Variants in KIF26B observed in about 807,000 individuals in gnomAD.
The protein encoded by KIF26B is kinesin-like protein KIF26B.
In KIF26B, 63 loss-of-function variants were observed where a neutral mutation model predicts 151.2. The ratio of observed to expected loss-of-function variants is 0.42; its 90% CI spans 0.34 to 0.51. The LOEUF (loss-of-function observed/expected upper bound fraction) is 0.51. Among genes scored for constraint, KIF26B ranks in the 20% least tolerant of loss-of-function variants. KIF26B has a pLI of 0.07. For missense variants in KIF26B, 2,813 were observed against 2,913.6 expected, an observed-to-expected ratio of 0.97 and a Z score of 0.79; for synonymous variants, 1,357 against 1,262.1, an observed-to-expected ratio of 1.08 and a Z score of -1.59.
chr1:245,221,414 CT>C (rs143145841), intron 2 of KIF26B, among the ~76,000 whole-genome samples: 16 of 140,142 alleles, frequency 1.1e-4, no homozygotes, highest in Admixed American at 1.4e-4. Flanking sequence ...GTTCTTCCTG[CT>C]TTTTTTTTTG....
intron 4 of KIF26B, among the ~76,000 whole-genome samples, chr1:245,487,722 C>G (rs1033135897): frequency 6.6e-6 from 1 of 151,538 alleles, no homozygotes; most frequent in African/African-American, 2.4e-5. Context: ...CTACGCCTCC[C>G]GAGTAGCTAG....
chr1:245,590,149 G>T (rs1398470016), intron 5 of KIF26B, among the ~76,000 whole-genome samples: 1 of 152,074 alleles, frequency 6.6e-6, no homozygotes, highest in Non-Finnish European at 1.5e-5. Flanking sequence ...GGTGCCCAAC[G>T]TGGCAGGGAG....
intron 3 of KIF26B, among the ~76,000 whole-genome samples, chr1:245,387,059 G>T (rs535942355): frequency 6.6e-6 from 1 of 152,302 alleles, no homozygotes; most frequent in South Asian, 2.1e-4. Context: ...TGAATTAGAT[G>T]AACTGTTTAT....
intron 2 of KIF26B, among the ~76,000 whole-genome samples, chr1:245,202,499 C>G (rs971878052): frequency 6.6e-6 from 1 of 152,190 alleles, no homozygotes; most frequent in Non-Finnish European, 1.5e-5. Flanking sequence ...TGGCTCACGC[C>G]TATAATCCCA....
chr1:245,465,531 C>T (rs1558177233), intron 4 of KIF26B, among the ~76,000 whole-genome samples: 1 of 152,172 alleles, frequency 6.6e-6, no homozygotes, highest in Non-Finnish European at 1.5e-5. Flanking sequence ...AAGTATCTTT[C>T]CGGTTTTTGC....
chr1:245,547,042 G>C (rs1034167129), intron 5 of KIF26B, among the ~76,000 whole-genome samples: 4 of 152,270 alleles, frequency 2.6e-5, no homozygotes, highest in East Asian at 1.9e-4. Context: ...CCAGCCTCTG[G>C]ACAGCACATG....
rs192529886 is a variant in KIF26B at position 245,261,756 on chromosome 1, G to T, written c.465+105073G>T. ...GCGCCACCATGCCTGGCTAGTTTTTGTATTTTTTGTAGCGACAGGGTTTTG... is the reference window on the plus strand; with the variant it reads ...GCGCCACCATGCCTGGCTAGTTTTTTTATTTTTTGTAGCGACAGGGTTTTG... On this transcript the variant is annotated intron_variant, in intron 2 of 14. Transcript: ENST00000407071. Among the ~76,000 whole-genome samples, 321 of 151,510 alleles carry T rather than the reference G, an allele frequency of 2.1e-3. 2 individuals carry two copies. The highest frequency in any genetic ancestry group is 7.6e-3 in the African/African-American group (312 of 41,302).
At chr1:245,342,817 TG>T (rs1275117841) in intron 2 of KIF26B, among the ~76,000 whole-genome samples, 2 of 152,166 alleles carry the variant, frequency 1.3e-5, no homozygotes, top group African/African-American at 4.8e-5. Context: ...CCAGGCGCCG[TG>T]GCTCATGCCT....
chr1:245,177,365 A>G (rs1029043644), intron 2 of KIF26B, among the ~76,000 whole-genome samples: 1 of 152,004 alleles, frequency 6.6e-6, no homozygotes, highest in Non-Finnish European at 1.5e-5. Context: ...TTTACATTCT[A>G]TATTGTATTT....
At chr1:245,221,941 G>A (rs530605951) in intron 2 of KIF26B, among the ~76,000 whole-genome samples, 2 of 152,330 alleles carry the variant, frequency 1.3e-5, no homozygotes, top group South Asian at 4.1e-4. Flanking sequence ...TATATCCGTG[G>A]AATCAAACAT....
At chr1:245,191,666 A>G (rs1422806878) in intron 2 of KIF26B, among the ~76,000 whole-genome samples, 1 of 152,226 alleles carries the variant, frequency 6.6e-6, no homozygotes, top group Non-Finnish European at 1.5e-5. Flanking sequence ...AGGGCAGGCG[A>G]CAATCTGCAG....
At chr1:245,296,461 G>T (rs1671338400) in intron 2 of KIF26B, among the ~76,000 whole-genome samples, 1 of 151,924 alleles carries the variant, frequency 6.6e-6, no homozygotes, top group South Asian at 2.1e-4. Flanking sequence ...GGATATAAGG[G>T]CCCCGACACA....
intron 9 of KIF26B, among the ~76,000 whole-genome samples, chr1:245,630,503 G>A (rs563254942): frequency 2.0e-5 from 3 of 152,138 alleles, no homozygotes; most frequent in Non-Finnish European, 4.4e-5. Flanking sequence ...AACACCACAC[G>A]TTGTCACTCA....
intron 2 of KIF26B, among the ~76,000 whole-genome samples, chr1:245,242,504 T>A (rs1670226122): frequency 1.3e-5 from 2 of 152,222 alleles, no homozygotes; most frequent in Admixed American, 6.5e-5. Flanking sequence ...ATTGGACTAA[T>A]AAAAAGTTGT....
rs931236345 is a variant in KIF26B, at chr1:245,495,226, T to A, written c.1167-45541T>A. ...AGAGATACATGGAGAACAAAAAGGATCAAAATACAGAAAAGAGCAGAAGAG... is the reference window on the plus strand; with the variant it reads ...AGAGATACATGGAGAACAAAAAGGAACAAAATACAGAAAAGAGCAGAAGAG... On this transcript the variant is annotated intron_variant, in intron 4 of 14. Coordinates refer to ENST00000407071, the MANE Select transcript of KIF26B (RefSeq NM_018012.4). This position sits in a 1 kb window ranked among gnomAD's most constrained non-coding sequence, Gnocchi z 4.2. Among the ~76,000 whole-genome samples, 1 of 151,268 alleles carries A rather than the reference T, an allele frequency of 6.6e-6. No individual in the cohort carries two copies. Among genetic ancestry groups the A allele is most frequent in the Non-Finnish European group, 1.5e-5 (1 of 67,818 alleles).
intron 5 of KIF26B, among the ~76,000 whole-genome samples, chr1:245,545,026 T>C (rs1661706946): frequency 6.6e-6 from 1 of 152,054 alleles, no homozygotes; most frequent in African/African-American, 2.4e-5. Flanking sequence ...AGTTGAGGCA[T>C]GCACACGCAC....
intron 5 of KIF26B, among the ~76,000 whole-genome samples, chr1:245,561,349 T>C (rs2042947615): frequency 6.6e-6 from 1 of 152,158 alleles, no homozygotes; most frequent in Non-Finnish European, 1.5e-5. Flanking sequence ...CCCTCTTCCC[T>C]GGGATAGGAG....
At chr1:245,626,290 T>C (rs1404039755) in intron 9 of KIF26B, among the ~76,000 whole-genome samples, 1 of 152,210 alleles carries the variant, frequency 6.6e-6, no homozygotes, top group African/African-American at 2.4e-5. Context: ...GTTTTAGTTT[T>C]TTTTTGAGAA....
intron 4 of KIF26B, among the ~76,000 whole-genome samples, chr1:245,453,220 T>C (rs1659437391): frequency 3.3e-5 from 5 of 152,178 alleles, no homozygotes; most frequent in Admixed American, 3.3e-4. Context: ...TAGCTTTATT[T>C]TTTTAAAAAA....
Sources: gnomAD v4.1 joint callset for allele counts (sites outside exome capture counted in the v4.1 genomes callset) on GRCh38, gnomAD v4.1.1 for gene constraint, Gnocchi (gnomAD v3.1) non-coding constraint, MANE v1.5 for transcripts, NCBI Gene and HGNC (gene_info 2026-07-23, HGNC 2026-07-21) for gene names.